The following FBLN1 variants were observed in gnomAD, a reference collection of about 807,000 sequenced individuals.
The protein encoded by FBLN1 is fibulin 1, also known as fibulin-1.
Under a neutral mutation model 89.7 loss-of-function variants are expected in FBLN1, and 34 were observed. The ratio of observed to expected loss-of-function variants is 0.38; its 90% CI spans 0.29 to 0.50. The LOEUF (loss-of-function observed/expected upper bound fraction) is 0.50, where lower values mean the gene tolerates loss of function less well. FBLN1 is among the 20% of genes least tolerant of loss of function. The pLI is 0.92. For missense variants in FBLN1, 777 were observed against 988.1 expected, an observed-to-expected ratio of 0.79 and a Z score of 2.86; for synonymous variants, 393 against 391.3, an observed-to-expected ratio of 1.00 and a Z score of -0.05.
Position 45,531,110 on chromosome 22 carries a change from C to G in FBLN1, c.485-155C>G, listed in dbSNP as rs1266523537. 6.6e-6 allele frequency among the ~76,000 whole-genome samples: 1 copy of G among 152,102 alleles called. No individual in the cohort carries two copies. The highest frequency in any genetic ancestry group is 2.4e-5 in the African/African-American group (1 of 41,396). Reference sequence around the variant, plus strand: ...TATACATTTTCAAGTGTAATTCTAGCTTAAAGAGGATAAAGTTAATACTTA... The same window carrying G: ...TATACATTTTCAAGTGTAATTCTAGGTTAAAGAGGATAAAGTTAATACTTA... On this transcript the variant is annotated intron_variant, in intron 4 of 16. Coordinates refer to ENST00000327858, the MANE Select transcript of FBLN1 (RefSeq NM_006486.3). This position sits in a 1 kb window ranked among gnomAD's most constrained non-coding sequence, Gnocchi z 4.9.
chr22:45,527,019 A>G (rs953632176), intron 3 of FBLN1, among the ~76,000 whole-genome samples: 2 of 152,178 alleles, frequency 1.3e-5, no homozygotes, highest in African/African-American at 4.8e-5. Context: ...ACCCCAAAAG[A>G]TGGATGAGGT....
Position 45,574,051 on chromosome 22 carries a change from A to G in FBLN1, c.1698-460A>G, listed in dbSNP as rs1174500510. On this transcript the variant is annotated intron_variant, in intron 14 of 16. Transcript: ENST00000327858. This position sits in a 1 kb window ranked among gnomAD's most constrained non-coding sequence, Gnocchi z 4.1. ...CTGGGCACCGAGCTTGGCGCTTTCTATCTGCTCCTTCGTTTATTACCCTGC... is the reference window on the plus strand; with the variant it reads ...CTGGGCACCGAGCTTGGCGCTTTCTGTCTGCTCCTTCGTTTATTACCCTGC... Among the ~76,000 whole-genome samples, 2 of 152,080 alleles carry G rather than the reference A, an allele frequency of 1.3e-5. No homozygotes were observed. The highest frequency in any genetic ancestry group is 6.5e-5 in the Admixed American group (1 of 15,274).
At chr22:45,598,021 CA>C (rs2089200850) in intron 16 of FBLN1, among the ~76,000 whole-genome samples, 1 of 152,176 alleles carries the variant, frequency 6.6e-6, no homozygotes, top group African/African-American at 2.4e-5. Flanking sequence ...GTGTCCTGGG[CA>C]CCAAGAGGTG....
Position 45,578,772 on chromosome 22 carries a change from T to A in FBLN1, c.1972+1664T>A, listed in dbSNP as rs1221399997. The stretch of plus-strand genomic sequence containing the variant: ...ACATGGCCCTCAGGTGATTTCTAGA[T>A]CTTGGAACATGGGAGTTTGGAATCC... On this transcript the variant is annotated intron_variant, in intron 16 of 16. Transcript: ENST00000327858. This position sits in a 1 kb window ranked among gnomAD's most constrained non-coding sequence, Gnocchi z 4.6. 6.6e-6 allele frequency among the ~76,000 whole-genome samples: 1 copy of A among 152,166 alleles called. No homozygotes were observed. The highest frequency in any genetic ancestry group is 1.5e-5 in the Non-Finnish European group (1 of 68,036).
intron 11 of FBLN1, 59 bp downstream of exon 11, chr22:45,543,585 A>C (rs2088587758): frequency 6.3e-7 from 1 of 1,591,010 alleles, no homozygotes; most frequent in African/African-American, 1.3e-5. Context: ...TGGGGAAGCC[A>C]CCCTTCTGCA....
intron 1 of FBLN1, among the ~76,000 whole-genome samples, chr22:45,505,980 G>C (rs1033321503): frequency 2.0e-5 from 3 of 152,168 alleles, no homozygotes; most frequent in Non-Finnish European, 2.9e-5. Flanking sequence ...TCTTGGCCAG[G>C]CTAGTCTCGA....
chr22:45,554,916 CACAGGAGGTTAGAATCTGTA>C (rs562620081), intron 14 of FBLN1, among the ~76,000 whole-genome samples: 276 of 152,318 alleles, frequency 1.8e-3, no homozygotes, highest in African/African-American at 6.2e-3. Flanking sequence ...TCCATCCTGT[CACAGGAGGTTAGAATCTGTA>C]ACAGGAAGTT....
chr22:45,586,697 C>T (rs1249257931), intron 16 of FBLN1, among the ~76,000 whole-genome samples: 1 of 152,188 alleles, frequency 6.6e-6, no homozygotes, highest in Non-Finnish European at 1.5e-5. Context: ...GGTGGGAAGA[C>T]AGGGACGCAC....
At position 45,536,878 on chromosome 22, in the gene FBLN1, T is replaced by A. The variant is rs1215917609; in HGVS notation, c.922+1541T>A. 6.6e-6 allele frequency among the ~76,000 whole-genome samples: 1 copy of A among 152,232 alleles called. No individual in the cohort carries two copies. Among genetic ancestry groups the A allele is most frequent in the African/African-American group, 2.4e-5 (1 of 41,460 alleles). On this transcript the variant is annotated intron_variant, in intron 8 of 16. Coordinates refer to ENST00000327858, the MANE Select transcript of FBLN1 (RefSeq NM_006486.3). This position sits in a 1 kb window ranked among gnomAD's most constrained non-coding sequence, Gnocchi z 5.1. ...GAGGCCTGGGCAAGACCGCTCACGC[T>A]AGAGGAGCTGTGTGGGGTGCGGCCG...
chr22:45,556,284 C>T lies in FBLN1; in HGVS notation c.1697+5669C>T, dbSNP rs1159274016. On this transcript the variant is annotated intron_variant, in intron 14 of 16. Transcript: ENST00000327858. This position sits in a 1 kb window ranked among gnomAD's most constrained non-coding sequence, Gnocchi z 4.6. ...ATGCTGGGATTACAGTCGTGAGCCA[C>T]AGCACCTGGCCATGTTTTTAAAAGA... is the stretch of plus-strand genomic sequence containing the variant. Among the ~76,000 whole-genome samples the T allele has an allele frequency of 6.6e-6, 1 of 152,188 alleles. No homozygotes were observed. The highest frequency in any genetic ancestry group is 1.5e-5 in the Non-Finnish European group (1 of 68,036).
rs970920342 is a variant in FBLN1, at chr22:45,590,916, G to A, written c.1973-9391G>A. Among the ~76,000 whole-genome samples, 3 of 152,040 alleles carry A rather than the reference G, an allele frequency of 2.0e-5. No individual in the cohort carries two copies. Among genetic ancestry groups the A allele is most frequent in the African/African-American group, 7.3e-5 (3 of 41,362 alleles). ...GAGGGGCGTCTGGAGAAATTGGAGT[G>A]GACTCCGAGTTTGGGTCGGGGGCCC... On this transcript the variant is annotated intron_variant, in intron 16 of 16. Transcript: ENST00000327858. This position sits in a 1 kb window ranked among gnomAD's most constrained non-coding sequence, Gnocchi z 4.1.
chr22:45,543,253 G>A (rs1649801980), intron 10 of FBLN1, 148 bp from the exon 11 acceptor site: 4 of 965,682 alleles, frequency 4.1e-6, no homozygotes, highest in South Asian at 2.8e-5. Context: ...GAGACAGAGC[G>A]AGACTCCATC....
Position 45,575,440 on chromosome 22 carries a change from G to A in FBLN1, c.1840+787G>A, listed in dbSNP as rs998808193. The stretch of plus-strand genomic sequence containing the variant: ...TTTTCTGCTGGAGCGCTAGAGGCTT[G>A]GCAAGAGGTGGGCTGGAAGGATAAA... On this transcript the variant is annotated intron_variant, in intron 15 of 16. Transcript: ENST00000327858. The surrounding 1 kb of genome is among the most constrained non-coding windows in gnomAD (Gnocchi z 6.3). Among the ~76,000 whole-genome samples the A allele has an allele frequency of 6.6e-6, 1 of 152,226 alleles. No individual in the cohort carries two copies. Among genetic ancestry groups the A allele is most frequent in the East Asian group, 1.9e-4 (1 of 5,182 alleles).
chr22:45,563,028 G>T lies in FBLN1; in HGVS notation c.1698-11483G>T. On this transcript the variant is annotated intron_variant, in intron 14 of 16. Transcript: ENST00000327858. The surrounding 1 kb of genome is among the most constrained non-coding windows in gnomAD (Gnocchi z 5.7). Reference sequence around the variant, plus strand: ...ATCCAAGCGCCCGCGGTGGTTTTCCGCATGGGCCCCTCCAGTGCTGTCCCC... The same window carrying T: ...ATCCAAGCGCCCGCGGTGGTTTTCCTCATGGGCCCCTCCAGTGCTGTCCCC... The T allele has an allele frequency of 6.2e-7, 1 of 1,613,364 alleles. No homozygotes were observed. Among genetic ancestry groups the T allele is most frequent in the East Asian group, 2.2e-5 (1 of 44,828 alleles).
chr22:45,513,835 C>T (rs2146944181), intron 1 of FBLN1, among the ~76,000 whole-genome samples: 1 of 152,166 alleles, frequency 6.6e-6, no homozygotes, highest in South Asian at 2.1e-4. Flanking sequence ...GCTCTGTCGC[C>T]CAGGCTGGAG....
At chr22:45,551,996 C>T (rs1476206725) in intron 14 of FBLN1, among the ~76,000 whole-genome samples, 2 of 152,174 alleles carry the variant, frequency 1.3e-5, no homozygotes, top group Non-Finnish European at 2.9e-5. Context: ...GCGGGTTGGC[C>T]ATGTGTGCTG....
At chr22:45,559,562 A>G (rs1187780387) in intron 14 of FBLN1, among the ~76,000 whole-genome samples, 2 of 152,156 alleles carry the variant, frequency 1.3e-5, no homozygotes, top group Non-Finnish European at 2.9e-5. Flanking sequence ...GTCTCTGCCA[A>G]TTCTGCATTC....
chr22:45,544,962 A>G (rs1226005824), intron 11 of FBLN1, among the ~76,000 whole-genome samples: 2 of 152,188 alleles, frequency 1.3e-5, no homozygotes, highest in African/African-American at 2.4e-5. Context: ...AATCGTCCAC[A>G]TTGCCGATGA....
Position 45,503,041 on chromosome 22 carries a change from G to A in FBLN1, c.56G>A (p.Gly19Asp). The A allele has an allele frequency of 1.6e-6, 2 of 1,250,924 alleles. No homozygotes were observed. Among genetic ancestry groups the A allele is most frequent in the Admixed American group, 3.9e-5 (1 of 25,674 alleles). The allele number at this position is 1,250,924 out of a possible 1,614,324, so 77.5% of individuals were successfully genotyped here. ...CCGCTTCCGCTGCTGCTGCTCGGCGGCCTTGCGCTGCTGGCGGCCGGAGGT... is the reference window on the plus strand; with the variant it reads ...CCGCTTCCGCTGCTGCTGCTCGGCGACCTTGCGCTGCTGGCGGCCGGAGGT... ...RVPLPLLLLG[G>D]LALLAAGVDA... is the part of the protein sequence containing the mutation. Residue 19 changes from glycine to aspartate, a missense_variant, in exon 1 of 17, where the codon GGC becomes GAC. Gly to Asp is a moderately conservative substitution (Grantham distance 94, BLOSUM62 -1). Transcript: ENST00000327858.
Sources: gnomAD v4.1 joint callset for allele counts (sites outside exome capture counted in the v4.1 genomes callset) on GRCh38, gnomAD v4.1.1 for gene constraint, Gnocchi (gnomAD v3.1) non-coding constraint, MANE v1.5 for transcripts, NCBI Gene and HGNC (gene_info 2026-07-23, HGNC 2026-07-21) for gene names.